HDAC4: variants seen among roughly 807,000 people sequenced by gnomAD.
HDAC4 encodes the protein histone deacetylase 4.
A neutral mutation model predicts 135.1 loss-of-function variants in HDAC4; 16 were observed. That is an observed-to-expected ratio of 0.12 (90% CI 0.08 to 0.18). The LOEUF (loss-of-function observed/expected upper bound fraction) is 0.18, where lower values mean the gene tolerates loss of function less well. Ranked by LOEUF, HDAC4 falls within the 10% of genes least tolerant of loss-of-function variation. HDAC4 has a pLI of 1.00. For synonymous variants in HDAC4, 685 were observed against 653.4 expected, an observed-to-expected ratio of 1.05 and a Z score of -0.74; for missense variants, 1,143 against 1,511.8, an observed-to-expected ratio of 0.76 and a Z score of 4.05.
intron 13 of HDAC4, among the ~76,000 whole-genome samples, chr2:239,112,548 C>G (rs893176901): frequency 7.9e-5 from 12 of 152,272 alleles, no homozygotes; most frequent in Admixed American, 1.3e-4. Flanking sequence ...GGGCTGGGCT[C>G]TGTGTGTGGG....
intron 1 of HDAC4, among the ~76,000 whole-genome samples, chr2:239,356,044 C>T (rs896202133): frequency 2.0e-5 from 3 of 152,074 alleles, no homozygotes; most frequent in African/African-American, 7.2e-5. Flanking sequence ...AAGGGCTTAT[C>T]TTAGAAAAAA....
At chr2:239,209,644 T>C (rs2046252518) in intron 3 of HDAC4, among the ~76,000 whole-genome samples, 1 of 152,202 alleles carries the variant, frequency 6.6e-6, no homozygotes, top group African/African-American at 2.4e-5. Context: ...TACGACAAAA[T>C]ATGACGTTGT....
chr2:239,191,887 A>T (rs2153047755), intron 3 of HDAC4, among the ~76,000 whole-genome samples: 1 of 152,360 alleles, frequency 6.6e-6, no homozygotes, highest in South Asian at 2.1e-4. Context: ...CCAGAAGGTG[A>T]CAGAAGCTTC....
rs1358715211 is a variant in HDAC4, at chr2:239,113,821, C to T, written c.1791+1232G>A. Among the ~76,000 whole-genome samples the T allele has an allele frequency of 4.6e-5, 7 of 152,210 alleles. No homozygotes were observed. The East Asian group carries it at 1.4e-3, about 29-fold the overall frequency. ...AGCACCGTGTGTGTGCCAGAGAGGC[C>T]CGGGGCTTTCTCTCTCTGTCTTTGC... On this transcript the variant is annotated intron_variant, in intron 13 of 26. Coordinates refer to ENST00000543185, the MANE Select transcript of HDAC4 (RefSeq NM_001378414.1).
chr2:239,383,070 G>A (rs980579488), intron 1 of HDAC4, among the ~76,000 whole-genome samples: 1 of 152,144 alleles, frequency 6.6e-6, no homozygotes, highest in African/African-American at 2.4e-5. Flanking sequence ...CTGTGTAACT[G>A]CCCACGTTAC....
At chr2:239,379,025 G>A (rs1286570606) in intron 1 of HDAC4, among the ~76,000 whole-genome samples, 2 of 152,192 alleles carry the variant, frequency 1.3e-5, no homozygotes, top group Non-Finnish European at 2.9e-5. Flanking sequence ...AGCCGCAGGG[G>A]TGGGACGGGA....
intron 2 of HDAC4, among the ~76,000 whole-genome samples, chr2:239,333,169 A>G (rs1691700232): frequency 6.6e-6 from 1 of 152,226 alleles, no homozygotes. Context: ...AAAATCAAAC[A>G]GGTGTCAGCA....
chr2:239,070,731 G>C (rs1310284028), intron 22 of HDAC4, among the ~76,000 whole-genome samples: 1 of 152,218 alleles, frequency 6.6e-6, no homozygotes, highest in Non-Finnish European at 1.5e-5. Flanking sequence ...GAGGACGGTG[G>C]AACAGAAGTG....
At chr2:239,117,595 A>C (rs1201752183) in intron 12 of HDAC4, among the ~76,000 whole-genome samples, 2 of 139,378 alleles carry the variant, frequency 1.4e-5, no homozygotes, top group African/African-American at 2.7e-5. Flanking sequence ...AAAGCTCAGG[A>C]GAGAGGGCGG....
intron 5 of HDAC4, among the ~76,000 whole-genome samples, chr2:239,176,097 C>T (rs1216645337): frequency 1.3e-5 from 2 of 152,162 alleles, no homozygotes; most frequent in Non-Finnish European, 2.9e-5. Flanking sequence ...TTTCCCTACT[C>T]CCCGTGTGCT....
In HDAC4 at chr2:239,262,381, T is replaced by C. The variant is rs548233175; in HGVS notation, c.23-25717A>G. On this transcript the variant is annotated intron_variant, in intron 2 of 26. Coordinates refer to ENST00000543185, the MANE Select transcript of HDAC4 (RefSeq NM_001378414.1). The surrounding 1 kb of genome is among the most constrained non-coding windows in gnomAD (Gnocchi z 4.1). ...CGGAATCGTAAGTGGAAGGGATGTATTTTCCTTGAGATTTTAAAAATAATT... is the reference window on the plus strand; with the variant it reads ...CGGAATCGTAAGTGGAAGGGATGTACTTTCCTTGAGATTTTAAAAATAATT... Among the ~76,000 whole-genome samples the C allele has an allele frequency of 1.3e-5, 2 of 152,280 alleles. No individual in the cohort carries two copies. The highest frequency in any genetic ancestry group is 2.9e-5 in the Non-Finnish European group (2 of 68,010).
Position 239,152,848 on chromosome 2 carries a change from C to T in HDAC4, c.733+3804G>A, listed in dbSNP as rs565733968. Among the ~76,000 whole-genome samples, 207 of 152,272 alleles carry T rather than the reference C, an allele frequency of 1.4e-3. 2 individuals carry two copies. Among genetic ancestry groups the T allele is most frequent in the Non-Finnish European group, 2.5e-3 (167 of 68,018 alleles). ...AAAAAAATCAAAAACACCCTAACAG[C>T]GTAGAGAAACAAGAGCAGAAAACAC... On this transcript the variant is annotated intron_variant, in intron 7 of 26. Coordinates refer to ENST00000543185, the MANE Select transcript of HDAC4 (RefSeq NM_001378414.1).
intron 3 of HDAC4, among the ~76,000 whole-genome samples, chr2:239,231,599 G>C (rs2047561476): frequency 6.6e-6 from 1 of 152,206 alleles, no homozygotes; most frequent in African/African-American, 2.4e-5. Context: ...TTTTTTGTTT[G>C]CCTCCGGTTT....
chr2:239,261,571 G>A, intron 2 of HDAC4, among the ~76,000 whole-genome samples: 1 of 152,154 alleles, frequency 6.6e-6, no homozygotes, highest in East Asian at 1.9e-4. Flanking sequence ...CAGCCAGCAT[G>A]TAGACTTCCC....
intron 4 of HDAC4, among the ~76,000 whole-genome samples, chr2:239,181,260 A>G (rs1214785768): frequency 6.6e-6 from 1 of 152,186 alleles, no homozygotes; most frequent in Non-Finnish European, 1.5e-5. Context: ...GGCAGGAGGT[A>G]GGCCCACACC....
intron 5 of HDAC4, among the ~76,000 whole-genome samples, chr2:239,173,243 C>T (rs2043563158): frequency 6.6e-6 from 1 of 152,076 alleles, no homozygotes; most frequent in East Asian, 1.9e-4. Flanking sequence ...AACACAGTTG[C>T]AATCATACAA....
At chr2:239,137,261 G>A (rs1004121314) in intron 9 of HDAC4, among the ~76,000 whole-genome samples, 10 of 152,210 alleles carry the variant, frequency 6.6e-5, no homozygotes, top group African/African-American at 2.2e-4. Context: ...TGGCGCCCCC[G>A]GACCGCATCT....
At chr2:239,260,565 T>C (rs1292487506) in intron 2 of HDAC4, among the ~76,000 whole-genome samples, 3 of 152,164 alleles carry the variant, frequency 2.0e-5, no homozygotes, top group East Asian at 3.9e-4. Context: ...CCCAACACTG[T>C]AGCCTCAAGT....
chr2:239,105,421 C>T (rs1027299627), intron 15 of HDAC4, among the ~76,000 whole-genome samples: 3 of 152,204 alleles, frequency 2.0e-5, no homozygotes, highest in Non-Finnish European at 4.4e-5. Flanking sequence ...CTCAGAGGAC[C>T]CCCGACTGCT....
Sources: gnomAD v4.1 joint callset for allele counts (sites outside exome capture counted in the v4.1 genomes callset) on GRCh38, gnomAD v4.1.1 for gene constraint, Gnocchi (gnomAD v3.1) non-coding constraint, MANE v1.5 for transcripts, NCBI Gene and HGNC (gene_info 2026-07-23, HGNC 2026-07-21) for gene names.